GNA13: variants seen among roughly 807,000 people sequenced by gnomAD.
GNA13 encodes guanine nucleotide-binding protein subunit alpha-13.
GNA13 carries 4 observed loss-of-function variants against 33.5 expected under a neutral mutation model. The ratio of observed to expected loss-of-function variants is 0.12; its 90% CI spans 0.06 to 0.27. The LOEUF (loss-of-function observed/expected upper bound fraction) is 0.27, where lower values mean the gene tolerates loss of function less well. Among genes scored for constraint, GNA13 ranks in the 10% least tolerant of loss-of-function variants. The pLI, the probability that GNA13 is intolerant of heterozygous loss-of-function variation, is 1.00. For missense variants in GNA13, 319 were observed against 487.2 expected (o/e 0.65, Z 3.25); for synonymous variants, 176 against 183.8 (o/e 0.96, Z 0.34).
intron 3 of GNA13, among the ~76,000 whole-genome samples, chr17:65,016,787 C>T (rs1037163990): frequency 3.3e-5 from 5 of 152,224 alleles, no homozygotes; most frequent in Admixed American, 6.5e-5. Flanking sequence ...TTCAGATACA[C>T]GCCTGCTTTA....
chr17:65,050,459 T>C (rs1473918837), intron 2 of GNA13, among the ~76,000 whole-genome samples: 1 of 152,182 alleles, frequency 6.6e-6, no homozygotes, highest in Admixed American at 6.6e-5. Flanking sequence ...CCACGCACAG[T>C]GGTTCATGCC....
intron 1 of GNA13, among the ~76,000 whole-genome samples, chr17:65,055,935 G>T (rs1908036354): frequency 6.6e-6 from 1 of 152,102 alleles, no homozygotes; most frequent in Admixed American, 6.5e-5. Context: ...GGCTGCTATT[G>T]GTGTTCCTGC....
chr17:65,052,944 T>C (rs2143832383), intron 2 of GNA13: 1 of 152,930 alleles, frequency 6.5e-6, no homozygotes, highest in East Asian at 1.9e-4. Context: ...GGAGAGTTGC[T>C]TGAACCCTGG....
intron 2 of GNA13, among the ~76,000 whole-genome samples, chr17:65,044,820 A>G (rs1024911792): frequency 3.9e-5 from 6 of 152,138 alleles, no homozygotes; most frequent in African/African-American, 1.4e-4. Context: ...AGGCGGACAG[A>G]TCACTTGAGG....
At chr17:65,045,911 A>G (rs1272958682) in intron 2 of GNA13, among the ~76,000 whole-genome samples, 2 of 152,198 alleles carry the variant, frequency 1.3e-5, no homozygotes, top group Non-Finnish European at 2.9e-5. Flanking sequence ...AGACAAGAAG[A>G]ATGCTCCACA....
intron 2 of GNA13, among the ~76,000 whole-genome samples, chr17:65,037,795 A>AAAAAAAAAAAC (rs1567824035): frequency 2.7e-5 from 4 of 150,074 alleles, no homozygotes; most frequent in African/African-American, 4.9e-5. Flanking sequence ...AAAAAAAAAA[A>AAAAAAAAAAAC]AAAAAGACAA....
intron 3 of GNA13, among the ~76,000 whole-genome samples, chr17:65,017,126 T>A (rs1463967487): frequency 6.6e-6 from 1 of 152,200 alleles, no homozygotes; most frequent in African/African-American, 2.4e-5. Flanking sequence ...TGACTCTGGA[T>A]ACTTAACACC....
intron 1 of GNA13, 60 bp downstream of exon 1, chr17:65,056,251 A>ACCCCCCCCCCCCCCCCCCCCCCCCC: frequency 1.6e-5 from 12 of 740,710 alleles, no homozygotes; most frequent in East Asian, 4.4e-5. Context: ...CCCGCCCCGC[A>ACCCCCCCCCCCCCCCCCCCCCCCCC]CCCGCCGCCG....
chr17:65,029,063 T>TG (rs1906906680), intron 2 of GNA13, among the ~76,000 whole-genome samples: 1 of 152,224 alleles, frequency 6.6e-6, no homozygotes, highest in Admixed American at 6.5e-5. Context: ...TGGTGAACAC[T>TG]GAAGGATCAA....
intron 2 of GNA13, among the ~76,000 whole-genome samples, chr17:65,030,353 A>G (rs1340018068): frequency 6.6e-6 from 1 of 152,264 alleles, no homozygotes; most frequent in Non-Finnish European, 1.5e-5. Flanking sequence ...CTGGTGAAGA[A>G]TCACAGATCA....
intron 2 of GNA13, among the ~76,000 whole-genome samples, chr17:65,037,349 C>A (rs1907283990): frequency 6.6e-6 from 1 of 152,176 alleles, no homozygotes; most frequent in African/African-American, 2.4e-5. Context: ...ATCTTCTCCA[C>A]TTCCTCGCCT....
At chr17:65,053,230 G>T in intron 2 of GNA13, 1 of 402,922 alleles carries the variant, frequency 2.5e-6, no homozygotes, top group Non-Finnish European at 4.4e-6. Flanking sequence ...GATATGCTGG[G>T]AATGGGACTC....
At chr17:65,044,464 T>C (rs537421233) in intron 2 of GNA13, among the ~76,000 whole-genome samples, 11 of 152,066 alleles carry the variant, frequency 7.2e-5, no homozygotes, top group Admixed American at 3.3e-4. Flanking sequence ...TTTCCAGAAA[T>C]ACACACTTAA....
At chr17:65,025,439 C>T (rs1906741987) in intron 2 of GNA13, among the ~76,000 whole-genome samples, 1 of 152,128 alleles carries the variant, frequency 6.6e-6, no homozygotes, top group South Asian at 2.1e-4. Flanking sequence ...CACCATAGTC[C>T]ACAGCTTTCA....
At chr17:65,032,859 C>G (rs1252683969) in intron 2 of GNA13, among the ~76,000 whole-genome samples, 2 of 152,022 alleles carry the variant, frequency 1.3e-5, no homozygotes, top group East Asian at 3.9e-4. Context: ...GTCTGTAATC[C>G]CAGCACTTTG....
At chr17:65,056,255 G>GCCCCTAAA in intron 1 of GNA13, 56 bp downstream of exon 1, 1 of 508,076 alleles carries the variant, frequency 2.0e-6, no homozygotes, top group East Asian at 5.3e-5. Context: ...CCCCGCACCC[G>GCCCCTAAA]CCGCCGCCCC....
Position 65,013,040 on chromosome 17 carries a change from TTAC to T in GNA13, c.*1214_*1216del, listed in dbSNP as rs1385100322. On this transcript the variant is annotated 3_prime_UTR_variant, in exon 4 of 4. Transcript: ENST00000439174. ...CATCTTTAGGTGCGAACTAAAAAAA[TTAC>T]TACTGATCCTTAGAAGCATCCTTAA... The T allele has an allele frequency of 4.6e-6, 1 of 215,080 alleles. No individual in the cohort carries two copies. The highest frequency in any genetic ancestry group is 9.4e-6 in the Non-Finnish European group (1 of 106,616). 13.3% of individuals were successfully genotyped at this position (215,080 alleles called of 1,614,324 possible). A position where few individuals can be genotyped will look rare whatever the true frequency, so the allele number is the denominator to read the frequency against.
chr17:65,053,790 T>C (rs1222670753), intron 1 of GNA13, 62 bp from the exon 2 acceptor site: 4 of 1,023,078 alleles, frequency 3.9e-6, no homozygotes, highest in Non-Finnish European at 6.0e-6. Context: ...ATCATAAGTT[T>C]TTATTCCAGT....
rs1238637844 is a variant in GNA13 at position 65,010,193 on chromosome 17, C to G, written c.*4064G>C. On this transcript the variant is annotated 3_prime_UTR_variant, in exon 4 of 4. Transcript: ENST00000439174. ...TAAATGCTAACTACACGTTCAAGTA[C>G]AGACATAAGAATGCTAGTGGTACAA... 6.6e-6 allele frequency among the ~76,000 whole-genome samples: 1 copy of G among 152,174 alleles called. No homozygotes were observed. Among genetic ancestry groups the G allele is most frequent in the African/African-American group, 2.4e-5 (1 of 41,436 alleles).
Sources: allele counts gnomAD v4.1 joint callset (sites outside exome capture counted in the v4.1 genomes callset), GRCh38; gene constraint gnomAD v4.1.1; transcripts MANE v1.5; gene names NCBI Gene and HGNC (gene_info 2026-07-23, HGNC 2026-07-21).